PTPRD: variants seen among roughly 807,000 people sequenced by gnomAD.
PTPRD encodes the protein receptor-type tyrosine-protein phosphatase delta.
PTPRD carries 34 observed loss-of-function variants against 214.5 expected under a neutral mutation model. The observed-to-expected ratio is 0.16, with a 90% CI of 0.12 to 0.21. The LOEUF is 0.21. Ranked by LOEUF, PTPRD falls within the 10% of genes least tolerant of loss-of-function variation. The pLI is 1.00. For missense variants in PTPRD, 2,545 were observed against 2,398.7 expected, an observed-to-expected ratio of 1.06 and a Z score of -1.27; for synonymous variants, 1,128 against 845.7, an observed-to-expected ratio of 1.33 and a Z score of -5.79.
chr9:9,195,716 C>CA (rs373628761), intron 9 of PTPRD, among the ~76,000 whole-genome samples: 44,740 of 130,112 alleles, frequency 0.34, 7,838 homozygotes, highest in East Asian at 0.6. Context: ...TTTTTAAATG[C>CA]AAAAAAAAAA....
chr9:9,340,807 T>A (rs1474647685), intron 9 of PTPRD, among the ~76,000 whole-genome samples: 1 of 152,196 alleles, frequency 6.6e-6, no homozygotes, highest in Non-Finnish European at 1.5e-5. Context: ...AAAATAAATT[T>A]CATTGACAAA....
intron 22 of PTPRD, among the ~76,000 whole-genome samples, chr9:8,505,105 G>C (rs1184754936): frequency 6.6e-6 from 1 of 152,160 alleles, no homozygotes; most frequent in Non-Finnish European, 1.5e-5. Flanking sequence ...ACAAATGTTT[G>C]TGGACTTTTG....
intron 8 of PTPRD, among the ~76,000 whole-genome samples, chr9:9,429,419 G>A (rs935098571): frequency 2.0e-5 from 3 of 151,838 alleles, no homozygotes; most frequent in African/African-American, 4.8e-5. Context: ...AGAGCCTACT[G>A]ACCAAAAAAA....
At chr9:8,865,899 A>C (rs1029767348) in intron 11 of PTPRD, among the ~76,000 whole-genome samples, 9 of 152,200 alleles carry the variant, frequency 5.9e-5, no homozygotes, top group African/African-American at 2.2e-4. Context: ...ATGGATTCGT[A>C]GTTCCACGGA....
chr9:8,503,889 C>G (rs1010244877), intron 23 of PTPRD, among the ~76,000 whole-genome samples: 1 of 152,100 alleles, frequency 6.6e-6, no homozygotes, highest in African/African-American at 2.4e-5. Context: ...TCTTTTGCAG[C>G]CTCTTTCATT....
At chr9:9,979,711 T>G (rs991723755) in intron 4 of PTPRD, among the ~76,000 whole-genome samples, 1 of 152,100 alleles carries the variant, frequency 6.6e-6, no homozygotes, top group Admixed American at 6.5e-5. Flanking sequence ...ATTAAGTAAA[T>G]TCTGACTAAA....
chr9:9,176,279 AGAG>A (rs2131215480), intron 10 of PTPRD, among the ~76,000 whole-genome samples: 1 of 152,286 alleles, frequency 6.6e-6, no homozygotes, highest in East Asian at 1.9e-4. Flanking sequence ...ATTTCTAGAA[AGAG>A]GTATCTAACT....
chr9:9,455,163 G>C (rs1008665943), intron 8 of PTPRD, among the ~76,000 whole-genome samples: 41 of 151,760 alleles, frequency 2.7e-4, no homozygotes, highest in Middle Eastern at 3.4e-3. Flanking sequence ...TGGTAGCATA[G>C]ATGGTTATTC....
chr9:9,000,807 G>A (rs1030013726), intron 11 of PTPRD, among the ~76,000 whole-genome samples: 7 of 151,918 alleles, frequency 4.6e-5, no homozygotes, highest in Admixed American at 2.0e-4. Context: ...AGCTTAACCT[G>A]AAGAGACCCT....
chr9:8,857,758 C>T lies in PTPRD; in HGVS notation c.-103-123812G>A, dbSNP rs947846821. On this transcript the variant is annotated intron_variant, in intron 11 of 45. Coordinates refer to ENST00000381196, the MANE Select transcript of PTPRD (RefSeq NM_002839.4). Reference sequence around the variant, plus strand: ...GCCGCCTCCGGGCGGCCAATTTAATCCCGCGGAGCAGCGGCCGCCGCCGCC... The same window carrying T: ...GCCGCCTCCGGGCGGCCAATTTAATTCCGCGGAGCAGCGGCCGCCGCCGCC... The T allele has an allele frequency of 1.2e-3, 181 of 156,798 alleles. 2 individuals are homozygous for T. The highest frequency in any genetic ancestry group is 4.1e-3 in the African/African-American group (170 of 41,580). 9.7% of individuals were successfully genotyped at this position (156,798 alleles called of 1,614,324 possible).
chr9:8,825,181 T>A (rs898880153), intron 11 of PTPRD, among the ~76,000 whole-genome samples: 3 of 152,202 alleles, frequency 2.0e-5, no homozygotes, highest in Non-Finnish European at 4.4e-5. Context: ...GAAAGTGATA[T>A]TTTTTATTTG....
chr9:10,484,094 C>A (rs1053028325), intron 2 of PTPRD, among the ~76,000 whole-genome samples: 18 of 152,210 alleles, frequency 1.2e-4, no homozygotes, highest in Non-Finnish European at 2.2e-4. Context: ...CAGACACACA[C>A]ACCATGGAAT....
At chr9:9,214,467 C>T (rs2099950827) in intron 9 of PTPRD, among the ~76,000 whole-genome samples, 1 of 149,850 alleles carries the variant, frequency 6.7e-6, no homozygotes, top group African/African-American at 2.4e-5. Context: ...AACGTTAAAG[C>T]AGTTAAGGGA....
intron 7 of PTPRD, among the ~76,000 whole-genome samples, chr9:9,727,173 T>C (rs1371193290): frequency 1.3e-5 from 2 of 152,090 alleles, no homozygotes; most frequent in East Asian, 1.9e-4. Context: ...AAATTATTCT[T>C]GGCCGGGCGT....
At chr9:9,142,080 A>G (rs1477156150) in intron 10 of PTPRD, among the ~76,000 whole-genome samples, 1 of 152,262 alleles carries the variant, frequency 6.6e-6, no homozygotes, top group Non-Finnish European at 1.5e-5. Flanking sequence ...TCAATGTGCC[A>G]GTCTGTTCCT....
chr9:8,435,112 G>T (rs1374974594), intron 35 of PTPRD, among the ~76,000 whole-genome samples: 3 of 152,196 alleles, frequency 2.0e-5, no homozygotes, highest in Non-Finnish European at 4.4e-5. Context: ...TATGCAAACT[G>T]AATGAAACGT....
At chr9:10,350,969 G>T (rs550150587) in intron 2 of PTPRD, among the ~76,000 whole-genome samples, 1 of 152,144 alleles carries the variant, frequency 6.6e-6, no homozygotes, top group Non-Finnish European at 1.5e-5. Context: ...TATGATAATA[G>T]CAGAGAAGAG....
intron 8 of PTPRD, among the ~76,000 whole-genome samples, chr9:9,536,893 G>A (rs596331): frequency 0.16 from 24,008 of 151,872 alleles, 2,021 homozygotes; most frequent in African/African-American, 0.22. Flanking sequence ...CCTTTTCAAC[G>A]ACAGTTATGG....
At chr9:10,013,845 G>C (rs1015730442) in intron 4 of PTPRD, among the ~76,000 whole-genome samples, 37 of 151,778 alleles carry the variant, frequency 2.4e-4, no homozygotes, top group African/African-American at 8.7e-4. Context: ...TGATATTCTT[G>C]GTTAATATGC....
Sources: gnomAD v4.1 joint callset for allele counts (sites outside exome capture counted in the v4.1 genomes callset) on GRCh38, gnomAD v4.1.1 for gene constraint, MANE v1.5 for transcripts, NCBI Gene and HGNC (gene_info 2026-07-23, HGNC 2026-07-21) for gene names.